OGFOD3: variants seen among roughly 807,000 people sequenced by gnomAD.
OGFOD3 encodes 2-oxoglutarate and iron-dependent oxygenase domain-containing protein 3.
Under a neutral mutation model 39.8 loss-of-function variants are expected in OGFOD3, and 35 were observed. The ratio of observed to expected loss-of-function variants is 0.88; its 90% confidence interval spans 0.67 to 1.17. OGFOD3 has a LOEUF of 1.17. Ranked by LOEUF, OGFOD3 falls within the 50% of genes most tolerant of loss-of-function variation. The probability of loss-of-function intolerance (pLI) is 0.00; values close to 1 mark genes in which losing one functional copy is unlikely to be tolerated. For synonymous variants in OGFOD3, 200 were observed against 192.0 expected (o/e 1.04, Z -0.34); for missense variants, 438 against 454.5 (o/e 0.96, Z 0.33).
Position 82,404,161 on chromosome 17 carries a change from G to T in OGFOD3, c.546-71C>A. On this transcript the variant is annotated intron_variant, in intron 6 of 8. Transcript: ENST00000313056. The surrounding 1 kb of genome is among the most constrained non-coding windows in gnomAD (Gnocchi z 4.5). ...GACGCTCGTGGGTCCCAACCCGTGG[G>T]TGGCAGGAAAGGAACCAGCCTTCGT... 1 of 1,462,792 alleles carries T rather than the reference G, an allele frequency of 6.8e-7. No homozygotes were observed. The highest frequency in any genetic ancestry group is 9.1e-7 in the Non-Finnish European group (1 of 1,103,164). The allele number at this position is 1,462,792 out of a possible 1,614,324, so 90.6% of individuals were successfully genotyped here.
At position 82,390,940 on chromosome 17, in the gene OGFOD3, G is replaced by A. The variant is rs1209409486; in HGVS notation, c.*1458C>T. 4.7e-6 allele frequency: 1 copy of A among 213,354 alleles called. No homozygotes were observed. The highest frequency in any genetic ancestry group is 2.4e-5 in the African/African-American group (1 of 41,862). 13.2% of individuals were successfully genotyped at this position (213,354 alleles called of 1,614,324 possible). A position where few individuals can be genotyped will look rare whatever the true frequency, so the allele number is the denominator to read the frequency against. On this transcript the variant is annotated 3_prime_UTR_variant, in exon 9 of 9. Transcript: ENST00000313056. This position sits in a 1 kb window ranked among gnomAD's most constrained non-coding sequence, Gnocchi z 4.9. ...CTGGCCTCACGCCCGCTCCTTCCCA[G>A]GACCCAATAATGCTGCCCTTTATCA...
In OGFOD3 at chr17:82,403,986, G is replaced by A. The variant is rs760462355; in HGVS notation, c.650C>T (p.Thr217Met). Residue 217 changes from threonine to methionine, a missense_variant, in exon 7 of 9, where the codon ACG (threonine) becomes ATG (methionine). Coordinates refer to ENST00000313056, the MANE Select transcript of OGFOD3 (RefSeq NM_024648.3). The stretch of plus-strand genomic sequence containing the variant: ...CTCGTCGTGCGCCGTCCGCGCTTCC[G>A]TGCTGTTTATGCGGGAGAAGAAGGT... ...KPTFFSRINS[T>M]EARTAHDEYW... 12 of 1,610,546 alleles carry A rather than the reference G, an allele frequency of 7.5e-6. No homozygotes were observed. Among genetic ancestry groups the A allele is most frequent in the South Asian group, 2.2e-5 (2 of 90,350 alleles).
Position 82,403,949 on chromosome 17 carries a change from C to G in OGFOD3, c.687G>C (p.Ala229=). The change falls in exon 7 of 9, where the codon GCG becomes GCC. Residue 229 remains alanine, a synonymous_variant. Transcript: ENST00000313056. The part of the protein sequence containing the change: ...ARTAHDEYWH[A]HVDKVTYGSF... ...CGGGCGCGCTCACCTTGTCCACGTG[C>G]GCATGCCAGTACTCGTCGTGCGCCG... The G allele has an allele frequency of 6.2e-7, 1 of 1,604,524 alleles. No individual in the cohort carries two copies. The highest frequency in any genetic ancestry group is 1.3e-5 in the African/African-American group (1 of 74,978).
In OGFOD3 at chr17:82,404,117, G is replaced by T; in HGVS notation, c.546-27C>A. 1 of 1,544,392 alleles carries T rather than the reference G, an allele frequency of 6.5e-7. No individual in the cohort carries two copies. The highest frequency in any genetic ancestry group is 2.3e-5 in the East Asian group (1 of 43,596). ...TGCAGAGGACACAATAGCCGTCAGC[G>T]CAGCCCCAGGCGGGAGGGGACGCTC... On this transcript the variant is annotated intron_variant, in intron 6 of 8. Transcript: ENST00000313056. This position sits in a 1 kb window ranked among gnomAD's most constrained non-coding sequence, Gnocchi z 4.5.
Position 82,415,253 on chromosome 17 carries a change from C to A in OGFOD3, c.304+145G>T. The stretch of plus-strand genomic sequence containing the variant: ...CGAAACACCTGCACTCCCAGTCAGA[C>A]GTGGACTAGCCAGCCTGCAGGAGGG... On this transcript the variant is annotated intron_variant, in intron 2 of 8. Transcript: ENST00000313056. This position sits in a 1 kb window ranked among gnomAD's most constrained non-coding sequence, Gnocchi z 5.3. 1.2e-6 allele frequency: 1 copy of A among 816,400 alleles called. No individual in the cohort carries two copies. Among genetic ancestry groups the A allele is most frequent in the Middle Eastern group, 3.0e-4 (1 of 3,352 alleles). The allele number at this position is 816,400 out of a possible 1,614,324, so 50.6% of individuals were successfully genotyped here.
chr17:82,394,295 T>G, intron 8 of OGFOD3: 1 of 1,496,892 alleles, frequency 6.7e-7, no homozygotes. Flanking sequence ...CGGCCTAAGA[T>G]GCACTTTCTT....
rs2052829842 is a variant in OGFOD3, at chr17:82,404,849, T to A, written c.545+475A>T. Among the ~76,000 whole-genome samples, 1 of 151,694 alleles carries A rather than the reference T, an allele frequency of 6.6e-6. No individual in the cohort carries two copies. Among genetic ancestry groups the A allele is most frequent in the African/African-American group, 2.4e-5 (1 of 41,262 alleles). On this transcript the variant is annotated intron_variant, in intron 6 of 8. Transcript: ENST00000313056. The surrounding 1 kb of genome is among the most constrained non-coding windows in gnomAD (Gnocchi z 4.5). ...TCCACCTCCGGGGTTTAAGCAATTG[T>A]CCTGCCTCAGCCTCCGGGGTAGCTG... is the stretch of plus-strand genomic sequence containing the variant.
intron 5 of OGFOD3, among the ~76,000 whole-genome samples, chr17:82,405,718 G>A (rs1162715806): frequency 6.6e-6 from 1 of 152,058 alleles, no homozygotes; most frequent in Non-Finnish European, 1.5e-5. Context: ...AGGAGGCCGA[G>A]GCAGGTGGAT....
In OGFOD3 at chr17:82,403,955, C is replaced by A. The variant is rs1159186513; in HGVS notation, c.681G>T (p.Trp227Cys). 6.2e-7 allele frequency: 1 copy of A among 1,606,316 alleles called. No homozygotes were observed. Among genetic ancestry groups the A allele is most frequent in the African/African-American group, 1.3e-5 (1 of 74,872 alleles). ...CGCTCACCTTGTCCACGTGCGCATG[C>A]CAGTACTCGTCGTGCGCCGTCCGCG... ...TEARTAHDEY[W>C]HAHVDKVTYG... Residue 227 changes from tryptophan to cysteine, a missense_variant, in exon 7 of 9, where the codon TGG (tryptophan) becomes TGT (cysteine). Transcript: ENST00000313056.
intron 2 of OGFOD3, among the ~76,000 whole-genome samples, chr17:82,413,464 C>T (rs74001679): frequency 0.026 from 3,949 of 152,224 alleles, 160 homozygotes; most frequent in African/African-American, 0.091. Flanking sequence ...TTTGTGCACA[C>T]GAGCGTGGGT....
intron 7 of OGFOD3, 154 bp downstream of exon 7, chr17:82,403,783 T>TGCTCACCCTGCCCACGTACGC: frequency 1.3e-6 from 1 of 747,652 alleles, no homozygotes; most frequent in Admixed American, 2.6e-5. Context: ...CCCACGTGCG[T>TGCTCACCCTGCCCACGTACGC]ACTCACCCTG....
chr17:82,398,051 CT>C (rs2052704605), intron 8 of OGFOD3, 144 bp downstream of exon 8: 1 of 1,041,880 alleles, frequency 9.6e-7, no homozygotes, highest in African/African-American at 1.6e-5. Flanking sequence ...GGGACTGGCG[CT>C]AGACCTGGGA....
At chr17:82,393,874 G>A (rs1206824561) in intron 8 of OGFOD3, 2 of 152,426 alleles carry the variant, frequency 1.3e-5, no homozygotes. Flanking sequence ...CAAAGGACAG[G>A]GGGAAGGATG....
chr17:82,409,058 C>T (rs967473980), intron 4 of OGFOD3, among the ~76,000 whole-genome samples: 3 of 152,216 alleles, frequency 2.0e-5, no homozygotes, highest in African/African-American at 4.8e-5. Context: ...GCTCCCACCC[C>T]GCTCCCTTGC....
At chr17:82,409,260 T>G in intron 4 of OGFOD3, 108 bp downstream of exon 4, 5 of 1,129,912 alleles carry the variant, frequency 4.4e-6, no homozygotes, top group Non-Finnish European at 5.3e-6. Context: ...CCCACCCACA[T>G]TTGGGGGCAC....
At chr17:82,395,559 C>T (rs752100973) in intron 8 of OGFOD3, among the ~76,000 whole-genome samples, 7 of 152,214 alleles carry the variant, frequency 4.6e-5, no homozygotes, top group African/African-American at 9.6e-5. Context: ...TGGTGGCTCA[C>T]GCCTGTCATC....
At chr17:82,401,484 G>A (rs1435152208) in intron 7 of OGFOD3, 1 of 151,970 alleles carries the variant, frequency 6.6e-6, no homozygotes, top group Non-Finnish European at 1.5e-5. Flanking sequence ...GTGCCAAGAT[G>A]GCAGATGCTG....
intron 8 of OGFOD3, among the ~76,000 whole-genome samples, chr17:82,394,834 GC>G (rs915365486): frequency 5.9e-5 from 9 of 152,112 alleles, no homozygotes; most frequent in Admixed American, 4.6e-4. Flanking sequence ...TGCACCACCA[GC>G]CCCCCAGTAA....
chr17:82,409,602 G>A (rs745900788), intron 3 of OGFOD3, among the ~76,000 whole-genome samples, 192 bp from the exon 4 acceptor site: 5 of 152,162 alleles, frequency 3.3e-5, no homozygotes, highest in African/African-American at 4.8e-5. Flanking sequence ...TACTGCCATC[G>A]TTGTCTTGTC....
Sources: gnomAD v4.1 joint callset for allele counts (sites outside exome capture counted in the v4.1 genomes callset) on GRCh38, gnomAD v4.1.1 for gene constraint, Gnocchi (gnomAD v3.1) non-coding constraint, MANE v1.5 for transcripts, NCBI Gene and HGNC (gene_info 2026-07-23, HGNC 2026-07-21) for gene names.